Variants in ASTN2 observed in about 807,000 individuals in gnomAD.
The protein encoded by ASTN2 is astrotactin 2, also known as astrotactin-2.
In ASTN2, 54 loss-of-function variants were observed where a neutral mutation model predicts 139.8. The ratio of observed to expected loss-of-function variants is 0.39; its 90% CI spans 0.31 to 0.48. ASTN2 has a LOEUF of 0.48. Ranked by LOEUF, ASTN2 falls within the 20% of genes least tolerant of loss-of-function variation. The probability of loss-of-function intolerance (pLI) is 0.95; values close to 1 mark genes in which losing one functional copy is unlikely to be tolerated. For synonymous variants in ASTN2, 756 were observed against 719.5 expected, an observed-to-expected ratio of 1.05 and a Z score of -0.81; for missense variants, 1,565 against 1,725.1, an observed-to-expected ratio of 0.91 and a Z score of 1.64.
At chr9:116,578,619 C>CGTGTGT (rs71377254) in intron 19 of ASTN2, among the ~76,000 whole-genome samples, 2,784 of 137,608 alleles carry the variant, frequency 0.02, 50 homozygotes, top group Admixed American at 0.03. Flanking sequence ...CTGGCTCCAA[C>CGTGTGT]GTGTGTGTGT....
At chr9:116,549,496 CT>C (rs1005932556) in intron 19 of ASTN2, among the ~76,000 whole-genome samples, 1 of 152,184 alleles carries the variant, frequency 6.6e-6, no homozygotes, top group African/African-American at 2.4e-5. Flanking sequence ...GGGCTGGAGC[CT>C]GCGTGGGGAC....
At chr9:117,316,320 C>T (rs1254437998) in intron 1 of ASTN2, among the ~76,000 whole-genome samples, 2 of 152,116 alleles carry the variant, frequency 1.3e-5, no homozygotes, top group African/African-American at 4.8e-5. Context: ...AATTAAATCT[C>T]ACTTGCAGGA....
At chr9:116,895,481 A>G (rs1833859110) in intron 10 of ASTN2, among the ~76,000 whole-genome samples, 2 of 152,314 alleles carry the variant, frequency 1.3e-5, no homozygotes, top group South Asian at 4.1e-4. Flanking sequence ...TCTATTCATA[A>G]GAGGGTGGAA....
chr9:117,045,995 T>TACGTACGTACGTAC (rs1402092655), intron 5 of ASTN2, among the ~76,000 whole-genome samples: 74 of 122,794 alleles, frequency 6.0e-4, no homozygotes, highest in East Asian at 1.2e-3. Flanking sequence ...TACGTACGTA[T>TACGTACGTACGTAC]GTATGTATGT....
At chr9:117,188,194 CAGAG>C (rs1235976830) in intron 3 of ASTN2, among the ~76,000 whole-genome samples, 2 of 31,978 alleles carry the variant, frequency 6.3e-5, no homozygotes, top group South Asian at 7.0e-4. Context: ...GAGAGAGAGA[CAGAG>C]AGAGAGAGAG....
intron 20 of ASTN2, among the ~76,000 whole-genome samples, chr9:116,463,103 T>C (rs991758110): frequency 3.3e-5 from 5 of 152,130 alleles, no homozygotes; most frequent in African/African-American, 1.2e-4. Context: ...CCAAGTTCTA[T>C]TAAGTCTATA....
chr9:117,300,563 C>A (rs777461149), intron 1 of ASTN2, among the ~76,000 whole-genome samples: 1 of 152,140 alleles, frequency 6.6e-6, no homozygotes, highest in Non-Finnish European at 1.5e-5. Context: ...CAGGAACACA[C>A]GTGAGAGGTC....
At chr9:117,362,684 T>C (rs1303628130) in intron 1 of ASTN2, among the ~76,000 whole-genome samples, 1 of 152,078 alleles carries the variant, frequency 6.6e-6, no homozygotes, top group Non-Finnish European at 1.5e-5. Flanking sequence ...AAACAGCTTT[T>C]AAGTCTCACC....
rs145519372 is a variant in ASTN2 at position 116,515,919 on chromosome 9, T to C, written c.3356-28419A>G. On this transcript the variant is annotated intron_variant, in intron 19 of 22. Coordinates refer to ENST00000313400, the MANE Select transcript of ASTN2 (RefSeq NM_001365068.1). ...TGGGATGTCTTGCTAAAACAGACTATGGGAACACACCACTAGAGTTACTAA... is the reference window on the plus strand; with the variant it reads ...TGGGATGTCTTGCTAAAACAGACTACGGGAACACACCACTAGAGTTACTAA... Among the ~76,000 whole-genome samples, 71 of 152,312 alleles carry C rather than the reference T, an allele frequency of 4.7e-4. No homozygotes were observed. In the East Asian group the frequency reaches 0.013, roughly 29 times the overall value.
rs73656833 is a variant in ASTN2, at chr9:116,424,277, A to T, written c.*1574T>A. ...GTATGTCACCCCCTAAGCTATCATC[A>T]CCTCCTTCATGGAAAATGACAATGG... On this transcript the variant is annotated 3_prime_UTR_variant, in exon 23 of 23. Coordinates refer to ENST00000313400, the MANE Select transcript of ASTN2 (RefSeq NM_001365068.1). 3.3e-5 allele frequency among the ~76,000 whole-genome samples: 5 copies of T among 152,032 alleles called. No individual in the cohort carries two copies. The highest frequency in any genetic ancestry group is 7.4e-5 in the Non-Finnish European group (5 of 68,006).
At chr9:117,269,584 A>T (rs1003194766) in intron 2 of ASTN2, among the ~76,000 whole-genome samples, 6 of 152,204 alleles carry the variant, frequency 3.9e-5, no homozygotes, top group Non-Finnish European at 8.8e-5. Context: ...CTTGAAGAAC[A>T]TCCAGCTGAG....
intron 11 of ASTN2, among the ~76,000 whole-genome samples, chr9:116,836,163 GGTAT>G (rs1409192755): frequency 6.6e-6 from 1 of 152,100 alleles, no homozygotes; most frequent in Non-Finnish European, 1.5e-5. Flanking sequence ...GGGAGTGGTA[GGTAT>G]GTCTAGTCAC....
intron 16 of ASTN2, among the ~76,000 whole-genome samples, chr9:116,690,069 T>C (rs533925126): frequency 1.6e-4 from 25 of 152,262 alleles, no homozygotes; most frequent in Middle Eastern, 6.8e-3. Context: ...ACAGCAAGAC[T>C]TAGCTGGAAT....
chr9:116,881,111 CAG>C (rs1833440636), intron 10 of ASTN2, among the ~76,000 whole-genome samples: 2 of 152,036 alleles, frequency 1.3e-5, no homozygotes, highest in African/African-American at 2.4e-5. Flanking sequence ...ACAGCACAAA[CAG>C]AGTCACAGAA....
chr9:117,376,465 T>C (rs1830126887), intron 1 of ASTN2, among the ~76,000 whole-genome samples: 1 of 152,222 alleles, frequency 6.6e-6, no homozygotes, highest in South Asian at 2.1e-4. Context: ...GATTTGGTGA[T>C]TCTCTGGGTT....
Position 116,699,048 on chromosome 9 carries a change from A to G in ASTN2, c.2806+26723T>C, listed in dbSNP as rs746383181. The stretch of plus-strand genomic sequence containing the variant: ...CAACCTCACTCCTCTCTCAGTGGCA[A>G]TGAACTGCCAGGGGCTGATTGGTGT... On this transcript the variant is annotated intron_variant, in intron 16 of 22. Coordinates refer to ENST00000313400, the MANE Select transcript of ASTN2 (RefSeq NM_001365068.1). This position sits in a 1 kb window ranked among gnomAD's most constrained non-coding sequence, Gnocchi z 4.2. 25 of 1,614,064 alleles carry G rather than the reference A, an allele frequency of 1.5e-5. No individual in the cohort carries two copies. Among genetic ancestry groups the G allele is most frequent in the Non-Finnish European group, 1.9e-5 (23 of 1,180,022 alleles).
chr9:117,021,880 A>G (rs1434603862), intron 6 of ASTN2, among the ~76,000 whole-genome samples: 1 of 152,208 alleles, frequency 6.6e-6, no homozygotes, highest in African/African-American at 2.4e-5. Context: ...GATAAATATT[A>G]GCTATTCTTA....
chr9:117,146,113 T>A (rs1390226244), intron 3 of ASTN2, among the ~76,000 whole-genome samples: 1 of 152,070 alleles, frequency 6.6e-6, no homozygotes. Context: ...TCATCCTGCA[T>A]ACAACTCCCC....
At chr9:116,436,057 G>A (rs1485584712) in intron 22 of ASTN2, among the ~76,000 whole-genome samples, 1 of 152,174 alleles carries the variant, frequency 6.6e-6, no homozygotes, top group Admixed American at 6.5e-5. Context: ...ACTAGATGCT[G>A]AACCTTGTAA....
Sources: gnomAD v4.1 joint callset for allele counts (sites outside exome capture counted in the v4.1 genomes callset) on GRCh38, gnomAD v4.1.1 for gene constraint, Gnocchi (gnomAD v3.1) non-coding constraint, MANE v1.5 for transcripts, NCBI Gene and HGNC (gene_info 2026-07-23, HGNC 2026-07-21) for gene names.